Variants in WDR49 observed in about 807,000 individuals in gnomAD.
The protein encoded by WDR49 is WD repeat domain 49.
A neutral mutation model predicts 119.5 loss-of-function variants in WDR49; 107 were observed. The ratio of observed to expected loss-of-function variants is 0.90; its 90% CI spans 0.77 to 1.05. The LOEUF is 1.05. WDR49 is among the 50% of genes least tolerant of loss of function. The pLI, the probability that WDR49 is intolerant of heterozygous loss-of-function variation, is 0.00. For missense variants in WDR49, 1,240 were observed against 1,220.5 expected, an observed-to-expected ratio of 1.02 and a Z score of -0.24; for synonymous variants, 425 against 418.8, an observed-to-expected ratio of 1.01 and a Z score of -0.18.
At chr3:167,568,314 T>A (rs951472940) in intron 8 of WDR49, among the ~76,000 whole-genome samples, 3 of 152,206 alleles carry the variant, frequency 2.0e-5, no homozygotes, top group Non-Finnish European at 4.4e-5. Flanking sequence ...GGCATTAAAT[T>A]CCCCAGCTTT....
rs1219265986 is a variant in WDR49 at position 167,588,261 on chromosome 3, T to C, written c.1276-12110A>G. 5.3e-5 allele frequency among the ~76,000 whole-genome samples: 8 copies of C among 152,178 alleles called. No individual in the cohort carries two copies. The East Asian group carries it at 1.2e-3, about 22-fold the overall frequency. The stretch of plus-strand genomic sequence containing the variant: ...GCATAATGACCTCCAGTTCCAACCA[T>C]GTTATTGCAAGTGACAGGATCTTAC... On this transcript the variant is annotated intron_variant, in intron 7 of 18. Transcript: ENST00000682715.
At chr3:167,523,555 C>T (rs1346483258) in intron 15 of WDR49, among the ~76,000 whole-genome samples, 1 of 152,022 alleles carries the variant, frequency 6.6e-6, no homozygotes, top group Non-Finnish European at 1.5e-5. Context: ...CTTTCCCCCA[C>T]CCCGCAACAG....
In WDR49 at chr3:167,604,284, T is replaced by C. The variant is rs1439428585; in HGVS notation, c.1126+17A>G. The C allele has an allele frequency of 1.2e-6, 2 of 1,612,548 alleles. No individual in the cohort carries two copies. The highest frequency in any genetic ancestry group is 8.5e-7 in the Non-Finnish European group (1 of 1,179,286). ...ATTTATGAGGCCCTCATAGTTATCA[T>C]GATTTATTTTACCTACCAATTAAAT... On this transcript the variant is annotated intron_variant, in intron 6 of 18. Transcript: ENST00000682715.
At chr3:167,512,290 G>T (rs917304157) in intron 16 of WDR49, among the ~76,000 whole-genome samples, 3 of 152,142 alleles carry the variant, frequency 2.0e-5, no homozygotes, top group Non-Finnish European at 4.4e-5. Flanking sequence ...GCCTCCACTG[G>T]TGATACCTCC....
At chr3:167,526,364 T>C (rs1053989199) in intron 15 of WDR49, among the ~76,000 whole-genome samples, 1 of 152,186 alleles carries the variant, frequency 6.6e-6, no homozygotes, top group Non-Finnish European at 1.5e-5. Context: ...CGACCCCGGA[T>C]GTCTAAGGAA....
At chr3:167,614,100 C>T (rs528427373) in intron 5 of WDR49, among the ~76,000 whole-genome samples, 3 of 152,082 alleles carry the variant, frequency 2.0e-5, no homozygotes, top group East Asian at 3.9e-4. Flanking sequence ...TCTTGTCCCC[C>T]CTCCTGCGTC....
chr3:167,505,505 A>C (rs1751733805), intron 16 of WDR49, 89 bp from the exon 17 acceptor site: 1 of 1,341,212 alleles, frequency 7.5e-7, no homozygotes, highest in East Asian at 3.1e-5. Flanking sequence ...GACCAAAAAA[A>C]ACAAAAACAA....
At chr3:167,528,815 T>C (rs1403048739) in intron 14 of WDR49, among the ~76,000 whole-genome samples, 3 of 152,254 alleles carry the variant, frequency 2.0e-5, no homozygotes, top group Middle Eastern at 6.8e-3. Context: ...CAATATTGCA[T>C]TTCTAAATTG....
At chr3:167,488,736 C>T (rs1286070570) in intron 18 of WDR49, among the ~76,000 whole-genome samples, 12 of 151,984 alleles carry the variant, frequency 7.9e-5, no homozygotes, top group Non-Finnish European at 1.6e-4. Flanking sequence ...CTCTTTAAAT[C>T]CTCTGAAGGC....
At chr3:167,595,143 T>G (rs1715345352) in intron 7 of WDR49, among the ~76,000 whole-genome samples, 1 of 152,056 alleles carries the variant, frequency 6.6e-6, no homozygotes, top group East Asian at 1.9e-4. Flanking sequence ...ATAAAATACT[T>G]AGGAATCTAA....
rs780080773 is a variant in WDR49, at chr3:167,554,701, A to G, written c.1772T>C (p.Leu591Pro). 3.7e-6 allele frequency: 6 copies of G among 1,612,822 alleles called. No individual in the cohort carries two copies. In the South Asian group the frequency reaches 6.6e-5, roughly 18 times the overall value. Residue 591 changes from leucine to proline, a missense_variant, in exon 10 of 19, where the codon CTG becomes CCG. Physicochemically the swap from Leu to Pro is moderately conservative, Grantham distance 98 (BLOSUM62 -3). Coordinates refer to ENST00000682715, the MANE Select transcript of WDR49 (RefSeq NM_001366157.1). ...SQILILKKKI[L>P]VTGWERYDYA... ...ATCATACCTCTCCCAGCCTGTAACC[A>G]GTATTTTCTTCTTAAGAATGAGGAT...
intron 15 of WDR49, among the ~76,000 whole-genome samples, chr3:167,524,675 T>C (rs1018966765): frequency 2.0e-5 from 3 of 152,126 alleles, no homozygotes; most frequent in Non-Finnish European, 4.4e-5. Context: ...AATTTCCCCA[T>C]TGTTTGTTTA....
chr3:167,518,939 AAC>A (rs375245188), intron 16 of WDR49, among the ~76,000 whole-genome samples: 262 of 151,894 alleles, frequency 1.7e-3, no homozygotes, highest in African/African-American at 6.2e-3. Context: ...GAAAAAAAAA[AAC>A]AACCCCATTA....
chr3:167,480,060 G>A (rs771377289), intron 18 of WDR49, among the ~76,000 whole-genome samples: 5 of 151,528 alleles, frequency 3.3e-5, no homozygotes, highest in African/African-American at 7.3e-5. Context: ...GTGAAACCCC[G>A]TCTCTACCAA....
chr3:167,642,765 C>T (rs1000735450), intron 2 of WDR49, among the ~76,000 whole-genome samples: 2 of 151,622 alleles, frequency 1.3e-5, no homozygotes, highest in African/African-American at 4.8e-5. Context: ...CATCTTGTGC[C>T]AGAAAGCAAA....
At chr3:167,593,144 C>A (rs149703404) in intron 7 of WDR49, among the ~76,000 whole-genome samples, 2 of 152,104 alleles carry the variant, frequency 1.3e-5, no homozygotes, top group South Asian at 4.2e-4. Context: ...TGATATGTTT[C>A]GCTAGGTTTA....
chr3:167,580,509 C>A (rs1714479685), intron 7 of WDR49, among the ~76,000 whole-genome samples: 1 of 152,156 alleles, frequency 6.6e-6, no homozygotes, highest in Non-Finnish European at 1.5e-5. Flanking sequence ...TATTCCCAGG[C>A]ATTTCCTTTG....
chr3:167,553,356 C>T (rs1218876226), intron 10 of WDR49, among the ~76,000 whole-genome samples: 2 of 151,984 alleles, frequency 1.3e-5, no homozygotes, highest in African/African-American at 4.8e-5. Flanking sequence ...AAGTACCACC[C>T]ACCAACATAG....
At chr3:167,501,678 G>C (rs1255120701) in intron 17 of WDR49, among the ~76,000 whole-genome samples, 1 of 152,036 alleles carries the variant, frequency 6.6e-6, no homozygotes. Context: ...ATAAAATAAA[G>C]CTTCAGGAAG....
Sources: allele counts gnomAD v4.1 joint callset (sites outside exome capture counted in the v4.1 genomes callset), GRCh38; gene constraint gnomAD v4.1.1; transcripts MANE v1.5; gene names NCBI Gene and HGNC (gene_info 2026-07-23, HGNC 2026-07-21).